Variants in UBAP1 observed in about 807,000 individuals in gnomAD.
The protein encoded by UBAP1 is ubiquitin associated protein 1.
In UBAP1, 5 loss-of-function variants were observed where a neutral mutation model predicts 39.0. The observed-to-expected ratio is 0.13, with a 90% CI of 0.07 to 0.27. The LOEUF is 0.27. UBAP1 is among the 10% of genes least tolerant of loss of function. The pLI, the probability that UBAP1 is intolerant of heterozygous loss-of-function variation, is 1.00. For missense variants in UBAP1, 490 were observed against 608.1 expected, an observed-to-expected ratio of 0.81 and a Z score of 2.04; for synonymous variants, 211 against 225.1, an observed-to-expected ratio of 0.94 and a Z score of 0.56.
rs1231912599 is a variant in UBAP1 at position 34,220,934 on chromosome 9, G to T, written c.20G>T (p.Gly7Val). 8 of 1,613,470 alleles carry T rather than the reference G, an allele frequency of 5.0e-6. No homozygotes were observed. Among genetic ancestry groups the T allele is most frequent in the Non-Finnish European group, 6.8e-6 (8 of 1,179,650 alleles). Reference protein sequence around the residue: MASKKLGADFHGTFSYL... With the variant: MASKKLVADFHGTFSYL... Reference sequence around the variant, plus strand: ...TTCTAAATGGCTTCTAAGAAGTTGGGTGCAGATTTTCATGGTAAGTGGACT... The same window carrying T: ...TTCTAAATGGCTTCTAAGAAGTTGGTTGCAGATTTTCATGGTAAGTGGACT... Residue 7 changes from glycine to valine, a missense_variant, in exon 2 of 7, where the codon GGT (glycine) becomes GTT (valine). Gly to Val is a moderately radical substitution (Grantham distance 109). Coordinates refer to ENST00000297661, the MANE Select transcript of UBAP1 (RefSeq NM_016525.5).
intron 1 of UBAP1, among the ~76,000 whole-genome samples, chr9:34,216,184 ATT>A (rs72016559): frequency 1.6e-4 from 23 of 146,504 alleles, no homozygotes; most frequent in African/African-American, 4.8e-4. Flanking sequence ...TTTTTCTGCC[ATT>A]TTTTTTTTTG....
chr9:34,215,153 T>TC (rs1457635033), intron 1 of UBAP1, among the ~76,000 whole-genome samples: 2 of 152,096 alleles, frequency 1.3e-5, no homozygotes, highest in African/African-American at 4.8e-5. Flanking sequence ...AGAAGTCATT[T>TC]GAAAAAGATG....
At chr9:34,228,751 T>G (rs2131596987) in intron 2 of UBAP1, among the ~76,000 whole-genome samples, 1 of 151,156 alleles carries the variant, frequency 6.6e-6, no homozygotes, top group East Asian at 2.0e-4. Flanking sequence ...TTTTTTTTTT[T>G]GTATTTTTAG....
intron 1 of UBAP1, among the ~76,000 whole-genome samples, chr9:34,199,496 C>T (rs1315884403): frequency 6.6e-6 from 1 of 152,170 alleles, no homozygotes; most frequent in Non-Finnish European, 1.5e-5. Context: ...ATCCCTAACT[C>T]AGTTTTCCCT....
In UBAP1 at chr9:34,242,203, G is replaced by T. The variant is rs567038705; in HGVS notation, c.1083+95G>T. 27 of 1,290,304 alleles carry T rather than the reference G, an allele frequency of 2.1e-5. No homozygotes were observed. The South Asian group carries it at 2.7e-4, about 13-fold the overall frequency. The allele number at this position is 1,290,304 out of a possible 1,614,324, so 79.9% of individuals were successfully genotyped here. ...TTTGGTTGATTTTTTTCGAGACAGG[G>T]TCTCATTCTGTTGCCCAGGCTGGAA... On this transcript the variant is annotated intron_variant, in intron 4 of 6. Coordinates refer to ENST00000297661, the MANE Select transcript of UBAP1 (RefSeq NM_016525.5).
chr9:34,231,127 ATGTGTGTG>A (rs6150983), intron 2 of UBAP1, among the ~76,000 whole-genome samples: 1,870 of 137,090 alleles, frequency 0.014, 50 homozygotes, highest in African/African-American at 0.047. Context: ...TAAAAAAATT[ATGTGTGTG>A]TGTGTGTGTG....
intron 1 of UBAP1, among the ~76,000 whole-genome samples, chr9:34,215,920 A>G (rs1832286942): frequency 6.6e-6 from 1 of 152,122 alleles, no homozygotes; most frequent in African/African-American, 2.4e-5. Context: ...TAGATTTCTC[A>G]TATTCTTAAG....
intron 1 of UBAP1, among the ~76,000 whole-genome samples, chr9:34,193,433 T>G (rs962970396): frequency 2.7e-5 from 4 of 148,816 alleles, no homozygotes; most frequent in African/African-American, 1.0e-4. Flanking sequence ...AGTGTGGGGG[T>G]TTTTCACCTC....
chr9:34,240,740 A>G (rs528714947), intron 3 of UBAP1, among the ~76,000 whole-genome samples: 1 of 128,610 alleles, frequency 7.8e-6, no homozygotes, highest in East Asian at 9.1e-4. Context: ...TCTTCCATTT[A>G]GCTACCAGCT....
intron 4 of UBAP1, among the ~76,000 whole-genome samples, chr9:34,242,658 G>A (rs140051895): frequency 3.6e-3 from 547 of 152,172 alleles, no homozygotes; most frequent in African/African-American, 0.013. Context: ...CCGAATAGCT[G>A]GGACTACAGG....
rs551203177 is a variant in UBAP1, at chr9:34,216,127, C to T, written c.-7-4781C>T. 4.1e-4 allele frequency among the ~76,000 whole-genome samples: 62 copies of T among 151,050 alleles called. 1 individual carries two copies. The highest frequency in any genetic ancestry group is 1.2e-3 in the African/African-American group (51 of 41,212). ...TTTTCAAACTTGGAAGTTATTGACA[C>T]GCGTCTTTCTGGCCCTCTCCTCTGG... On this transcript the variant is annotated intron_variant, in intron 1 of 6. Transcript: ENST00000297661.
At chr9:34,234,088 G>C in intron 2 of UBAP1, 128 bp from the exon 3 acceptor site, 1 of 901,644 alleles carries the variant, frequency 1.1e-6, no homozygotes, top group Non-Finnish European at 1.6e-6. Context: ...TAAGCAGTCA[G>C]AGAAGGAACT....
At chr9:34,236,987 A>G (rs571071572) in intron 3 of UBAP1, among the ~76,000 whole-genome samples, 3 of 152,104 alleles carry the variant, frequency 2.0e-5, no homozygotes, top group East Asian at 3.9e-4. Context: ...TCTGCTCATG[A>G]GCCGTTATCT....
chr9:34,237,187 A>G (rs894554440), intron 3 of UBAP1, among the ~76,000 whole-genome samples: 1 of 151,994 alleles, frequency 6.6e-6, no homozygotes, highest in Admixed American at 6.6e-5. Flanking sequence ...TTACTGCAGT[A>G]CACATTTACT....
chr9:34,219,693 T>TTCCTC (rs1194329116), intron 1 of UBAP1, among the ~76,000 whole-genome samples: 1 of 51,852 alleles, frequency 1.9e-5, no homozygotes, highest in African/African-American at 7.4e-5. Flanking sequence ...CTCCCCTCCT[T>TTCCTC]TCCTCTCCTC....
At chr9:34,243,413 C>T (rs899091776) in intron 4 of UBAP1, among the ~76,000 whole-genome samples, 7 of 152,060 alleles carry the variant, frequency 4.6e-5, no homozygotes, top group African/African-American at 1.2e-4. Flanking sequence ...AAGAGGCCTG[C>T]TTCTTGTTGG....
At chr9:34,218,250 C>CAAAAAAAAAAAAAAAAA (rs758443973) in intron 1 of UBAP1, among the ~76,000 whole-genome samples, 1 of 49,524 alleles carries the variant, frequency 2.0e-5, no homozygotes, top group African/African-American at 9.4e-5. Context: ...GACTCCATCT[C>CAAAAAAAAAAAAAAAAA]AAAAAAAAAA....
chr9:34,234,440 A>C, intron 3 of UBAP1, 100 bp downstream of exon 3: 3 of 1,379,714 alleles, frequency 2.2e-6, no homozygotes, highest in Non-Finnish European at 2.9e-6. Flanking sequence ...TGTGAGCTGA[A>C]TCATGTTTTG....
rs565288834 is a variant in UBAP1 at position 34,184,414 on chromosome 9, A to G, written c.-8+5174A>G. On this transcript the variant is annotated intron_variant, in intron 1 of 6. Coordinates refer to ENST00000297661, the MANE Select transcript of UBAP1 (RefSeq NM_016525.5). ...TGGGAGGCCGAGGCGGGCGGATCAC[A>G]AGGTCAGGAGATCGAGACCATCCTG... Among the ~76,000 whole-genome samples, 25 of 150,856 alleles carry G rather than the reference A, an allele frequency of 1.7e-4. No homozygotes were observed. In the South Asian group the frequency reaches 5.2e-3, roughly 32 times the overall value.
Sources: allele counts gnomAD v4.1 joint callset (sites outside exome capture counted in the v4.1 genomes callset), GRCh38; gene constraint gnomAD v4.1.1; transcripts MANE v1.5; gene names NCBI Gene and HGNC (gene_info 2026-07-23, HGNC 2026-07-21).